RBFOX3: variants seen among roughly 807,000 people sequenced by gnomAD.
RBFOX3 encodes RNA binding protein fox-1 homolog 3.
In RBFOX3, 17 loss-of-function variants were observed where a neutral mutation model predicts 48.7. That is an observed-to-expected ratio of 0.35 (90% CI 0.24 to 0.52). The LOEUF is 0.52. Among genes scored for constraint, RBFOX3 ranks in the 20% least tolerant of loss-of-function variants. The pLI is 0.94. For missense variants in RBFOX3, 382 were observed against 497.5 expected (o/e 0.77, Z 2.21); for synonymous variants, 212 against 209.5 (o/e 1.01, Z -0.10).
chr17:79,662,083 GA>G, the RBFOX3 span, among the ~76,000 whole-genome samples: 4 of 40,022 alleles, frequency 1.0e-4, no homozygotes, highest in Admixed American at 3.5e-4. Context: ...CTAGAAGACA[GA>G]TTTTTTTTTG....
chr17:79,139,463 T>C (rs904538188), intron 4 of RBFOX3, among the ~76,000 whole-genome samples: 1 of 152,226 alleles, frequency 6.6e-6, no homozygotes, highest in Non-Finnish European at 1.5e-5. Context: ...GGAAGGACGA[T>C]TTACACCTTC....
At chr17:79,104,373 G>T (rs561365427) in intron 6 of RBFOX3, among the ~76,000 whole-genome samples, 1 of 152,030 alleles carries the variant, frequency 6.6e-6, no homozygotes, top group African/African-American at 2.4e-5. Flanking sequence ...CCTTGGTGTG[G>T]TGTGGGGACA....
At chr17:79,145,802 G>T (rs57755178) in intron 4 of RBFOX3, among the ~76,000 whole-genome samples, 1 of 152,214 alleles carries the variant, frequency 6.6e-6, no homozygotes, top group South Asian at 2.1e-4. Flanking sequence ...GCCGGGCGAC[G>T]GTGCCCTGCA....
chr17:79,209,630 A>G (rs1214271371), intron 4 of RBFOX3, among the ~76,000 whole-genome samples: 1 of 152,178 alleles, frequency 6.6e-6, no homozygotes, highest in Non-Finnish European at 1.5e-5. Flanking sequence ...TGTCCCATAA[A>G]AATAAGCAGG....
In RBFOX3 at chr17:79,362,750, G is replaced by A. The variant is rs1048293489; in HGVS notation, c.-174-54926C>T. Among the ~76,000 whole-genome samples the A allele has an allele frequency of 9.9e-5, 15 of 152,194 alleles. 1 individual carries two copies. The highest frequency in any genetic ancestry group is 2.7e-4 in the African/African-American group (11 of 41,436). On this transcript the variant is annotated intron_variant, in intron 2 of 14. Coordinates refer to ENST00000693108, the MANE Select transcript of RBFOX3 (RefSeq NM_001350451.2). This position sits in a 1 kb window ranked among gnomAD's most constrained non-coding sequence, Gnocchi z 4.2. ...TTAGAGACCATGGGATGGGGCCTCC[G>A]AGGAGCTCTGGGACTGCTCAAGGCC... is the stretch of plus-strand genomic sequence containing the variant.
rs1420687688 is a variant in RBFOX3 at position 79,364,443 on chromosome 17, G to C, written c.-174-56619C>G. On this transcript the variant is annotated intron_variant, in intron 2 of 14. Transcript: ENST00000693108. This position sits in a 1 kb window ranked among gnomAD's most constrained non-coding sequence, Gnocchi z 5.1. ...GGACTCTGAACTCTGCGAGGAAAGA[G>C]ATGCTCTCTGCAGCTGGGGACAGTG... is the stretch of plus-strand genomic sequence containing the variant. Among the ~76,000 whole-genome samples the C allele has an allele frequency of 6.6e-6, 1 of 152,242 alleles. No homozygotes were observed. Among genetic ancestry groups the C allele is most frequent in the Non-Finnish European group, 1.5e-5 (1 of 68,042 alleles).
intron 2 of RBFOX3, among the ~76,000 whole-genome samples, chr17:79,408,791 A>C (rs1388554057): frequency 6.6e-6 from 1 of 152,230 alleles, no homozygotes; most frequent in Non-Finnish European, 1.5e-5. Context: ...TTCTTGCATT[A>C]ATGGTCTCTC....
At chr17:79,570,847 T>C (rs2092651293) in intron 1 of RBFOX3, among the ~76,000 whole-genome samples, 1 of 152,196 alleles carries the variant, frequency 6.6e-6, no homozygotes, top group Non-Finnish European at 1.5e-5. Context: ...GCCGGGCTGC[T>C]TTGCATGCCT....
At chr17:79,626,087 C>G in the RBFOX3 span, among the ~76,000 whole-genome samples, 1 of 152,042 alleles carries the variant, frequency 6.6e-6, no homozygotes, top group African/African-American at 2.4e-5. Context: ...TGGCCTGGGG[C>G]AGTAAGCGGC....
the RBFOX3 span, among the ~76,000 whole-genome samples, chr17:79,618,290 G>A: frequency 1.1e-4 from 16 of 152,284 alleles, no homozygotes; most frequent in East Asian, 1.9e-4. Context: ...AACAGGCGCC[G>A]CAGTCCACTC....
intron 2 of RBFOX3, among the ~76,000 whole-genome samples, chr17:79,395,163 A>G (rs889144702): frequency 1.4e-4 from 22 of 152,236 alleles, no homozygotes; most frequent in African/African-American, 5.1e-4. Context: ...GCAAAGGGCT[A>G]GATGTTTTTG....
At chr17:79,429,403 T>A (rs2068008153) in intron 2 of RBFOX3, among the ~76,000 whole-genome samples, 1 of 152,016 alleles carries the variant, frequency 6.6e-6, no homozygotes. Context: ...GGACTGGCAA[T>A]GTGGGGTGGC....
chr17:79,101,864 C>A (rs968326077), intron 8 of RBFOX3, among the ~76,000 whole-genome samples: 3 of 152,208 alleles, frequency 2.0e-5, no homozygotes, highest in African/African-American at 7.2e-5. Context: ...GGCCTGCTGG[C>A]CTGTATCCTT....
chr17:79,097,174 C>T (rs1397722985), intron 11 of RBFOX3, 118 bp downstream of exon 11: 2 of 272,442 alleles, frequency 7.3e-6, no homozygotes, highest in Non-Finnish European at 1.2e-5. Flanking sequence ...CCACGATCCT[C>T]CCCCCCCCCA....
chr17:79,648,529 C>G, the RBFOX3 span, among the ~76,000 whole-genome samples: 92 of 152,226 alleles, frequency 6.0e-4, no homozygotes, highest in Admixed American at 1.3e-3. Context: ...GCATGTCCAG[C>G]AAGCCCTGCA....
intron 1 of RBFOX3, among the ~76,000 whole-genome samples, chr17:79,543,888 G>A (rs139520239): frequency 0.012 from 1,804 of 152,220 alleles, 19 homozygotes; most frequent in Non-Finnish European, 0.017. Flanking sequence ...ATGGGGCAAG[G>A]GTGGGATGCA....
At chr17:79,406,401 G>A (rs2063541113) in intron 2 of RBFOX3, among the ~76,000 whole-genome samples, 1 of 152,084 alleles carries the variant, frequency 6.6e-6, no homozygotes, top group Admixed American at 6.5e-5. Flanking sequence ...GACTGGTTGG[G>A]TCTCAGAGCT....
chr17:79,649,368 A>G, the RBFOX3 span, among the ~76,000 whole-genome samples: 1 of 152,232 alleles, frequency 6.6e-6, no homozygotes, highest in Non-Finnish European at 1.5e-5. Context: ...GACTCACCCA[A>G]CAACTTTGAA....
chr17:79,522,615 G>A (rs1330611264), intron 1 of RBFOX3, among the ~76,000 whole-genome samples: 1 of 152,064 alleles, frequency 6.6e-6, no homozygotes, highest in African/African-American at 2.4e-5. Context: ...ATTCACCTCA[G>A]GAATGTCAGA....
Sources: gnomAD v4.1 joint callset for allele counts (sites outside exome capture counted in the v4.1 genomes callset) on GRCh38, gnomAD v4.1.1 for gene constraint, Gnocchi (gnomAD v3.1) non-coding constraint, MANE v1.5 for transcripts, NCBI Gene and HGNC (gene_info 2026-07-23, HGNC 2026-07-21) for gene names.